The following NUBPL variants were observed in gnomAD, a reference collection of about 807,000 sequenced individuals.
NUBPL encodes NUBP iron-sulfur cluster assembly factor, mitochondrial, also known as iron-sulfur cluster transfer protein NUBPL.
Under a neutral mutation model 45.7 loss-of-function variants are expected in NUBPL, and 31 were observed. The observed-to-expected ratio is 0.68, with a 90% confidence interval of 0.51 to 0.92. The LOEUF (loss-of-function observed/expected upper bound fraction) is 0.92. Among genes scored for constraint, NUBPL ranks in the 40% least tolerant of loss-of-function variants. The probability of loss-of-function intolerance (pLI) is 0.00; values close to 1 mark genes in which losing one functional copy is unlikely to be tolerated. For missense variants in NUBPL, 401 were observed against 398.7 expected, an observed-to-expected ratio of 1.01 and a Z score of -0.05; for synonymous variants, 144 against 140.9, an observed-to-expected ratio of 1.02 and a Z score of -0.15.
chr14:31,651,857 C>T (rs1364108469), intron 4 of NUBPL, among the ~76,000 whole-genome samples: 2 of 150,838 alleles, frequency 1.3e-5, no homozygotes, highest in East Asian at 3.9e-4. Context: ...TGAGATAGTG[C>T]CACTGCACTC....
Position 31,828,194 on chromosome 14 carries a change from G to A in NUBPL, c.693+1480G>A, listed in dbSNP as rs77358378. On this transcript the variant is annotated intron_variant, in intron 8 of 10. Transcript: ENST00000281081. The stretch of plus-strand genomic sequence containing the variant: ...GATAACCAAATGCCTGCCTCACACC[G>A]AAAACTCTCTCTAAAGCACCTAATT... 2.5e-3 allele frequency among the ~76,000 whole-genome samples: 385 copies of A among 152,240 alleles called. 3 individuals are homozygous for A. The highest frequency in any genetic ancestry group is 8.6e-3 in the African/African-American group (358 of 41,550).
intron 3 of NUBPL, among the ~76,000 whole-genome samples, chr14:31,596,556 G>C (rs547015598): frequency 8.9e-4 from 135 of 152,234 alleles, no homozygotes; most frequent in African/African-American, 3.2e-3. Context: ...TGGCTGCCTT[G>C]ATGCTACAAT....
intron 6 of NUBPL, among the ~76,000 whole-genome samples, chr14:31,717,539 T>G (rs1008054938): frequency 6.6e-6 from 1 of 152,238 alleles, no homozygotes; most frequent in African/African-American, 2.4e-5. Context: ...CAAGAAATTC[T>G]TCTCTTCACT....
At chr14:31,818,639 G>C (rs4981916) in intron 7 of NUBPL, among the ~76,000 whole-genome samples, 50,345 of 152,016 alleles carry the variant, frequency 0.33, 9,636 homozygotes, top group South Asian at 0.44. Context: ...AGCTCCGCCT[G>C]CTGGGTTCAC....
Position 31,679,243 on chromosome 14 carries a change from G to C in NUBPL, c.513+5669G>C, listed in dbSNP as rs1204561057. Among the ~76,000 whole-genome samples the C allele has an allele frequency of 2.0e-5, 3 of 152,220 alleles. 1 individual carries two copies. The highest frequency in any genetic ancestry group is 6.8e-3 in the Middle Eastern group (2 of 294). On this transcript the variant is annotated intron_variant, in intron 6 of 10. Transcript: ENST00000281081. ...TTTCAGTAATATAAAATTGAAACCAGGTATTCTGAGTGCTCATCTGATTTT... is the reference window on the plus strand; with the variant it reads ...TTTCAGTAATATAAAATTGAAACCACGTATTCTGAGTGCTCATCTGATTTT...
intron 6 of NUBPL, among the ~76,000 whole-genome samples, chr14:31,744,315 TCTGA>T (rs762322153): frequency 1.3e-5 from 2 of 152,244 alleles, no homozygotes; most frequent in Non-Finnish European, 2.9e-5. Flanking sequence ...TTGGAAATCT[TCTGA>T]CTAAGCATTT....
At chr14:31,698,232 A>G (rs771158355) in intron 6 of NUBPL, among the ~76,000 whole-genome samples, 5 of 152,068 alleles carry the variant, frequency 3.3e-5, no homozygotes, top group Admixed American at 1.3e-4. Context: ...CTTCCAATCT[A>G]TGGTGTTTTA....
intron 8 of NUBPL, among the ~76,000 whole-genome samples, chr14:31,841,920 T>TTGTTTTCG (rs1232748747): frequency 1.2e-5 from 1 of 81,024 alleles, no homozygotes; most frequent in African/African-American, 4.4e-5. Context: ...TTCTGGGCTT[T>TTGTTTTCG]TTTTTTTTTT....
intron 6 of NUBPL, among the ~76,000 whole-genome samples, chr14:31,733,849 T>C (rs2038106313): frequency 6.6e-6 from 1 of 152,184 alleles, no homozygotes; most frequent in African/African-American, 2.4e-5. Context: ...CTTGTATTGA[T>C]CTCTTAGGAA....
intron 6 of NUBPL, among the ~76,000 whole-genome samples, chr14:31,785,279 A>G (rs1314158628): frequency 6.6e-6 from 1 of 152,218 alleles, no homozygotes; most frequent in Non-Finnish European, 1.5e-5. Context: ...TTTGTATAGT[A>G]AGGCAGGGGT....
chr14:31,687,417 A>G (rs1566500857), intron 6 of NUBPL, among the ~76,000 whole-genome samples: 1 of 152,258 alleles, frequency 6.6e-6, no homozygotes, highest in Non-Finnish European at 1.5e-5. Flanking sequence ...GTTAAAATTT[A>G]TCAAAACTTA....
intron 6 of NUBPL, among the ~76,000 whole-genome samples, chr14:31,743,116 A>G (rs749244150): frequency 2.0e-5 from 3 of 152,068 alleles, no homozygotes; most frequent in Non-Finnish European, 2.9e-5. Context: ...AGACCCTGAC[A>G]TCATTATTTT....
At chr14:31,776,762 C>A (rs1198134063) in intron 6 of NUBPL, among the ~76,000 whole-genome samples, 1 of 152,202 alleles carries the variant, frequency 6.6e-6, no homozygotes, top group Non-Finnish European at 1.5e-5. Flanking sequence ...TTATTATGTC[C>A]ATTCCTCAGT....
At chr14:31,620,892 T>TC (rs2035041604) in intron 4 of NUBPL, among the ~76,000 whole-genome samples, 2 of 152,230 alleles carry the variant, frequency 1.3e-5, no homozygotes, top group South Asian at 4.1e-4. Flanking sequence ...AGCCGCACCT[T>TC]CCCCCAGGGG....
At chr14:31,679,366 C>T (rs2036775444) in intron 6 of NUBPL, among the ~76,000 whole-genome samples, 1 of 152,078 alleles carries the variant, frequency 6.6e-6, no homozygotes, top group Non-Finnish European at 1.5e-5. Context: ...GCCTTCTATT[C>T]CACCATCTTG....
chr14:31,766,381 A>G (rs1024523026), intron 6 of NUBPL, among the ~76,000 whole-genome samples: 1 of 152,194 alleles, frequency 6.6e-6, no homozygotes, highest in Non-Finnish European at 1.5e-5. Flanking sequence ...GGAAGGCAGA[A>G]CATTTAGATT....
intron 6 of NUBPL, among the ~76,000 whole-genome samples, chr14:31,781,484 T>C (rs1364056812): frequency 6.6e-6 from 1 of 152,194 alleles, no homozygotes; most frequent in Non-Finnish European, 1.5e-5. Flanking sequence ...CCAGAGAAAC[T>C]AGACAGTTCT....
intron 6 of NUBPL, among the ~76,000 whole-genome samples, chr14:31,722,172 G>T (rs1035610459): frequency 8.6e-5 from 13 of 151,808 alleles, no homozygotes; most frequent in Non-Finnish European, 1.8e-4. Context: ...AATATTTTTG[G>T]TTTTTGTTTT....
At chr14:31,676,707 A>T (rs2036708347) in intron 6 of NUBPL, among the ~76,000 whole-genome samples, 2 of 151,828 alleles carry the variant, frequency 1.3e-5, no homozygotes, top group Non-Finnish European at 2.9e-5. Context: ...ATTAGATCTC[A>T]TATTTTCTTT....
Sources: allele counts gnomAD v4.1 joint callset (sites outside exome capture counted in the v4.1 genomes callset), GRCh38; gene constraint gnomAD v4.1.1; transcripts MANE v1.5; gene names NCBI Gene and HGNC (gene_info 2026-07-23, HGNC 2026-07-21).